Variants in DPH2 observed in about 807,000 individuals in gnomAD.
The protein encoded by DPH2 is 2-(3-amino-3-carboxypropyl)histidine synthase subunit 2.
In DPH2, 28 loss-of-function variants were observed where a neutral mutation model predicts 42.5. That is an observed-to-expected ratio of 0.66 (90% CI 0.49 to 0.90). The LOEUF (loss-of-function observed/expected upper bound fraction) is 0.90, where lower values mean the gene tolerates loss of function less well. Ranked by LOEUF, DPH2 falls within the 40% of genes least tolerant of loss-of-function variation. The pLI is 0.00. For synonymous variants in DPH2, 279 were observed against 264.4 expected (o/e 1.06, Z -0.53); for missense variants, 576 against 636.0 (o/e 0.91, Z 1.01).
Position 43,971,594 on chromosome 1 carries a change from A to G in DPH2, c.692A>G (p.Asp231Gly), listed in dbSNP as rs199599691. 444 of 1,613,796 alleles carry G rather than the reference A, an allele frequency of 2.8e-4. 1 individual carries two copies. Among genetic ancestry groups the G allele is most frequent in the Non-Finnish European group, 3.6e-4 (419 of 1,179,824 alleles). Reference protein sequence around the residue: ...GSKASPDPDLDPDLSRLLLGW... With the variant: ...GSKASPDPDLGPDLSRLLLGW... ...AAGGCCAGCCCTGACCCAGACCTTG[A>G]CCCAGACCTGAGTCGGCTGCTCTTG... The change falls in exon 4 of 6, where the codon GAC becomes GGC. Residue 231 changes from aspartate (D) to glycine (G), a missense_variant. Physicochemically the swap from Asp to Gly is moderately conservative, Grantham distance 94 (BLOSUM62 -1). This residue lies in a region of DPH2 where 395 missense variants were observed against 435.2 expected (regional missense o/e 0.91). Coordinates refer to ENST00000255108, the MANE Select transcript of DPH2 (RefSeq NM_001384.5).
chr1:43,971,130 A>C lies in DPH2; in HGVS notation c.425A>C (p.Asn142Thr), dbSNP rs1571783037. The change falls in exon 3 of 6, where the codon AAC becomes ACC. Residue 142 changes from asparagine (N) to threonine (T), a missense_variant. By Grantham distance (65) the Asn-to-Thr change is moderately conservative (BLOSUM62 0). Transcript: ENST00000255108. ...ELCVKAFEAQ[N>T]PDPKAPVVLL... ...TGTGTCAAGGCCTTTGAGGCCCAGA[A>C]CCCAGACCCCAAAGCGCCTGTGGTG... is the stretch of plus-strand genomic sequence containing the variant. 1.3e-6 allele frequency: 2 copies of C among 1,557,412 alleles called. No homozygotes were observed.
Position 43,970,641 on chromosome 1 carries a change from G to A in DPH2, c.193G>A (p.Val65Met), listed in dbSNP as rs1422811864. 8 of 1,614,100 alleles carry A rather than the reference G, an allele frequency of 5.0e-6. No homozygotes were observed. Among genetic ancestry groups the A allele is most frequent in the African/African-American group, 2.7e-5 (2 of 74,920 alleles). ...PDQLLGDAVAVAARLEETTGS... is the reference protein window; with the variant it reads ...PDQLLGDAVAMAARLEETTGS... ...CCAGCTATTGGGAGATGCTGTGGCT[G>A]TGGCTGCACGACTGGAGGAGACGAC... Residue 65 changes from valine to methionine, a missense_variant, in exon 2 of 6, where the codon GTG becomes ATG. Val to Met is a conservative substitution (Grantham distance 21, BLOSUM62 1). Coordinates refer to ENST00000255108, the MANE Select transcript of DPH2 (RefSeq NM_001384.5).
rs72890643 is a variant in DPH2 at position 43,970,065 on chromosome 1, C to T, written c.-111C>T. The T allele has an allele frequency of 7.0e-3, 9,037 of 1,299,750 alleles. 529 individuals carry two copies. In the African/African-American group the frequency reaches 0.12, roughly 17 times the overall value. The allele number at this position is 1,299,750 out of a possible 1,614,324, so 80.5% of individuals were successfully genotyped here. A position where few individuals can be genotyped will look rare whatever the true frequency, so the allele number is the denominator to read the frequency against. On this transcript the variant is annotated 5_prime_UTR_variant, in exon 1 of 6. Coordinates refer to ENST00000255108, the MANE Select transcript of DPH2 (RefSeq NM_001384.5). ...CCGGCTGAAGGCCGACTGTGATTCCCCCTACCCCCACAAGGCGATTTTGAC... is the reference window on the plus strand; with the variant it reads ...CCGGCTGAAGGCCGACTGTGATTCCTCCTACCCCCACAAGGCGATTTTGAC...
rs1453715514 is a variant in DPH2 at position 43,970,092 on chromosome 1, C to A, written c.-84C>A. 7 of 1,513,042 alleles carry A rather than the reference C, an allele frequency of 4.6e-6. No individual in the cohort carries two copies. Among genetic ancestry groups the A allele is most frequent in the Non-Finnish European group, 6.2e-6 (7 of 1,125,520 alleles). The allele number at this position is 1,513,042 out of a possible 1,614,324, so 93.7% of individuals were successfully genotyped here. On this transcript the variant is annotated 5_prime_UTR_variant, in exon 1 of 6. Coordinates refer to ENST00000255108, the MANE Select transcript of DPH2 (RefSeq NM_001384.5). Reference sequence around the variant, plus strand: ...CTACCCCCACAAGGCGATTTTGACCCCCTGAGGGCTGCTCTAGAGGACTCA... The same window carrying A: ...CTACCCCCACAAGGCGATTTTGACCACCTGAGGGCTGCTCTAGAGGACTCA...
At position 43,971,656 on chromosome 1, in the gene DPH2, C is replaced by A; in HGVS notation, c.754C>A (p.Pro252Thr). ...APGQPFSSCC[P>T]DTGKTQDEGA... Reference sequence around the variant, plus strand: ...AGGTCAACCCTTCTCCTCCTGCTGTCCAGATACAGGGAAGACTCAGGATGA... The same window carrying A: ...AGGTCAACCCTTCTCCTCCTGCTGTACAGATACAGGGAAGACTCAGGATGA... The change falls in exon 4 of 6, where the codon CCA becomes ACA. Residue 252 changes from proline to threonine, a missense_variant. Physicochemically the swap from Pro to Thr is conservative, Grantham distance 38 (BLOSUM62 -1). Around this residue, in one of 3 missense-constraint regions of DPH2, gnomAD observed 395 missense variants for 435.2 expected, o/e 0.91. Transcript: ENST00000255108. 1 of 1,614,174 alleles carries A rather than the reference C, an allele frequency of 6.2e-7. No individual in the cohort carries two copies. The highest frequency in any genetic ancestry group is 1.3e-5 in the African/African-American group (1 of 75,072).
At position 43,971,388 on chromosome 1, in the gene DPH2, G is replaced by A; in HGVS notation, c.486G>A (p.Glu162=). The A allele has an allele frequency of 6.3e-7, 1 of 1,575,804 alleles. No homozygotes were observed. Among genetic ancestry groups the A allele is most frequent in the South Asian group, 1.1e-5 (1 of 87,378 alleles). ...CAACACTACCTCCTTCTCTTCCAGA[G>A]GCTTTGGCTACTCTCCTGCGCCCAC... ...LSEPACAHAL[E]ALATLLRPRY... Residue 162 remains glutamate (E), a splice_region_variant and synonymous_variant, in exon 4 of 6, where the codon GAG becomes GAA. Transcript: ENST00000255108.
Position 43,970,275 on chromosome 1 carries a change from G to A in DPH2, c.100G>A (p.Glu34Lys). ...TPLPDLDGVY[E>K]LERVAGFVRD... ...TCTTCCGGACCTGGACGGAGTGTAC[G>A]AGCTGGAGCGAGTCGCTGGATTTGT... Residue 34 changes from glutamate (E) to lysine (K), a missense_variant, in exon 1 of 6, where the codon GAG becomes AAG. Physicochemically the swap from Glu to Lys is moderately conservative, Grantham distance 56. Around this residue, in one of 3 missense-constraint regions of DPH2, gnomAD observed 395 missense variants for 435.2 expected, o/e 0.91. Coordinates refer to ENST00000255108, the MANE Select transcript of DPH2 (RefSeq NM_001384.5). The A allele has an allele frequency of 6.2e-7, 1 of 1,614,242 alleles. No individual in the cohort carries two copies. The highest frequency in any genetic ancestry group is 8.5e-7 in the Non-Finnish European group (1 of 1,180,046).
In DPH2 at chr1:43,971,123, G is replaced by T. The variant is rs1174216958; in HGVS notation, c.418G>T (p.Ala140Ser). ...ALELCVKAFE[A>S]QNPDPKAPVV... ...GGAGCTCTGTGTCAAGGCCTTTGAG[G>T]CCCAGAACCCAGACCCCAAAGCGCC... Residue 140 changes from alanine to serine, a missense_variant, in exon 3 of 6, where the codon GCC (alanine) becomes TCC (serine). Ala to Ser is a moderately conservative substitution (Grantham distance 99). Around this residue, in one of 3 missense-constraint regions of DPH2, gnomAD observed 395 missense variants for 435.2 expected, o/e 0.91. Transcript: ENST00000255108. 1.9e-6 allele frequency: 3 copies of T among 1,558,412 alleles called. No homozygotes were observed. In the East Asian group the frequency reaches 7.2e-5, roughly 37 times the overall value.
chr1:43,970,851 A>G (rs1231163171), intron 2 of DPH2, 115 bp from the exon 3 acceptor site: 5 of 1,333,102 alleles, frequency 3.8e-6, no homozygotes, highest in Non-Finnish European at 5.3e-6. Context: ...AGCTCCTTTC[A>G]TTGACAATGT....
In DPH2 at chr1:43,972,512, C is replaced by A; in HGVS notation, c.1443C>A (p.Ile481=). 1 of 1,614,236 alleles carries A rather than the reference C, an allele frequency of 6.2e-7. No individual in the cohort carries two copies. Among genetic ancestry groups the A allele is most frequent in the Non-Finnish European group, 8.5e-7 (1 of 1,180,046 alleles). ...EAVSGRRGIA[I]AYEDEGSG is the part of the protein sequence containing the mutation. ...TGAGTGGAAGACGAGGGATTGCCAT[C>A]GCCTATGAGGATGAGGGAAGCGGCT... is the stretch of plus-strand genomic sequence containing the variant. The change falls in exon 6 of 6, where the codon ATC becomes ATA. Residue 481 remains isoleucine, a synonymous_variant. Coordinates refer to ENST00000255108, the MANE Select transcript of DPH2 (RefSeq NM_001384.5).
At position 43,971,512 on chromosome 1, in the gene DPH2, C is replaced by A. The variant is rs2085423039; in HGVS notation, c.610C>A (p.Pro204Thr). ...MPLERFGRRF[P>T]LAPGRRLEEY... ...CCTAGAGCGTTTTGGGCGCCGCTTC[C>A]CCCTTGCCCCAGGGAGGCGTCTAGA... is the stretch of plus-strand genomic sequence containing the variant. The change falls in exon 4 of 6, where the codon CCC becomes ACC. Residue 204 changes from proline (P) to threonine (T), a missense_variant. Around this residue, in one of 3 missense-constraint regions of DPH2, gnomAD observed 395 missense variants for 435.2 expected, o/e 0.91. Transcript: ENST00000255108. 5 of 1,614,116 alleles carry A rather than the reference C, an allele frequency of 3.1e-6. No individual in the cohort carries two copies. The South Asian group carries it at 5.5e-5, about 18-fold the overall frequency.
chr1:43,972,688 G>A lies in DPH2; in HGVS notation c.*149G>A, dbSNP rs545074570. 1.6e-5 allele frequency: 18 copies of A among 1,141,006 alleles called. No homozygotes were observed. Among genetic ancestry groups the A allele is most frequent in the South Asian group, 7.6e-5 (5 of 65,782 alleles). The allele number at this position is 1,141,006 out of a possible 1,614,324, so 70.7% of individuals were successfully genotyped here. On this transcript the variant is annotated 3_prime_UTR_variant, in exon 6 of 6. Coordinates refer to ENST00000255108, the MANE Select transcript of DPH2 (RefSeq NM_001384.5). ...GGCAGCCCTTCACAGGATAGGATCC[G>A]TCTCTGTCCTGTCCTGGCACTGGCA...
chr1:43,971,700 G>A lies in DPH2; in HGVS notation c.798G>A (p.Arg266=). The A allele has an allele frequency of 1.9e-6, 3 of 1,613,528 alleles. No individual in the cohort carries two copies. The highest frequency in any genetic ancestry group is 2.2e-5 in the South Asian group (2 of 91,086). The change falls in exon 4 of 6, where the codon CGG becomes CGA. Residue 266 remains arginine (R), a synonymous_variant. Coordinates refer to ENST00000255108, the MANE Select transcript of DPH2 (RefSeq NM_001384.5). ...KTQDEGARAG[R]LRARRRYLVE... ...AGGATGAGGGTGCCCGGGCTGGACG[G>A]CTAAGGGCACGAAGACGATATCTGG...
In DPH2 at chr1:43,970,351, C is replaced by T. The variant is rs376616679; in HGVS notation, c.147+29C>T. 4.7e-5 allele frequency: 76 copies of T among 1,607,298 alleles called. No individual in the cohort carries two copies. The African/African-American group carries it at 8.9e-4, about 19-fold the overall frequency. On this transcript the variant is annotated intron_variant, in intron 1 of 5. Transcript: ENST00000255108. ...AGGACAGACTTAGGGAAGGGTGGCT[C>T]GCCTCTGTCGGGATGGGTCGCCCAG...
At position 43,972,195 on chromosome 1, in the gene DPH2, A is replaced by G. The variant is rs758276322; in HGVS notation, c.1206A>G (p.Ser402=). 3 of 1,614,082 alleles carry G rather than the reference A, an allele frequency of 1.9e-6. No individual in the cohort carries two copies. The African/African-American group carries it at 4.0e-5, about 22-fold the overall frequency. Reference sequence around the variant, plus strand: ...ACGTGGCTCTCCCACCACCTGAGTCAGAGCTGTGGGAAACCCCAGACGTGT... The same window carrying G: ...ACGTGGCTCTCCCACCACCTGAGTCGGAGCTGTGGGAAACCCCAGACGTGT... ...PFHVALPPPE[S]ELWETPDVSL... The change falls in exon 5 of 6, where the codon TCA becomes TCG. Residue 402 remains serine (S), a synonymous_variant. Transcript: ENST00000255108.
chr1:43,972,480 G>A lies in DPH2; in HGVS notation c.1411G>A (p.Glu471Lys). 1 of 1,614,276 alleles carries A rather than the reference G, an allele frequency of 6.2e-7. No homozygotes were observed. The change falls in exon 6 of 6, where the codon GAA (glutamate) becomes AAA (lysine). Residue 471 changes from glutamate (E) to lysine (K), a missense_variant. This residue lies in a region of DPH2 where 178 missense variants were observed against 184.4 expected (regional missense o/e 0.97). Transcript: ENST00000255108. ...EPRLGQTPVT[E>K]AVSGRRGIAI... ...CCGCCTGGGTCAGACGCCAGTGACA[G>A]AAGCTGTGAGTGGAAGACGAGGGAT...
rs763659580 is a variant in DPH2 at position 43,972,454 on chromosome 1, C to T, written c.1385C>T (p.Pro462Leu). The change falls in exon 6 of 6, where the codon CCC becomes CTC. Residue 462 changes from proline to leucine, a missense_variant. By Grantham distance (98) the Pro-to-Leu change is moderately conservative (BLOSUM62 -3). Around this residue, in one of 3 missense-constraint regions of DPH2, gnomAD observed 178 missense variants for 184.4 expected, o/e 0.97. Transcript: ENST00000255108. ...TCCCGGAGCTGGCAAGGGCTGGAGC[C>T]CCGCCTGGGTCAGACGCCAGTGACA... is the stretch of plus-strand genomic sequence containing the variant. Reference protein sequence around the residue: ...LSSRSWQGLEPRLGQTPVTEA... With the variant: ...LSSRSWQGLELRLGQTPVTEA... The T allele has an allele frequency of 5.5e-5, 89 of 1,614,142 alleles. No individual in the cohort carries two copies. The highest frequency in any genetic ancestry group is 6.8e-5 in the Non-Finnish European group (80 of 1,180,058).
rs1465672578 is a variant in DPH2, at chr1:43,971,068, C to T, written c.363C>T (p.Ala121=). 1 of 1,569,270 alleles carries T rather than the reference C, an allele frequency of 6.4e-7. No individual in the cohort carries two copies. Among genetic ancestry groups the T allele is most frequent in the Admixed American group, 1.9e-5 (1 of 52,758 alleles). The stretch of plus-strand genomic sequence containing the variant: ...CTCCAGCCCGCCCACTGCCCGTTGC[C>T]TTCGTGCTTCGTCAACGTTCTGTGG... ...LSPPARPLPV[A]FVLRQRSVAL... is the part of the protein sequence containing the mutation. The change falls in exon 3 of 6, where the codon GCC becomes GCT. Residue 121 remains alanine (A), a synonymous_variant. Coordinates refer to ENST00000255108, the MANE Select transcript of DPH2 (RefSeq NM_001384.5).
Position 43,971,444 on chromosome 1 carries a change from CT to C in DPH2, c.546del (p.Gln184AsnfsTer6). On this transcript the variant is annotated frameshift_variant, in exon 4 of 6. Coordinates refer to ENST00000255108, the MANE Select transcript of DPH2 (RefSeq NM_001384.5). LOFTEE classifies it high-confidence loss of function. ...CTGGACCTGCTAGTCTCCAGCCCAG[CT>C]TTTCCCCAACCAGTGGGTTCCCTGA... ...RYLDLLVSSP[A>X]FPQPVGSLSP... 1 of 1,612,102 alleles carries C rather than the reference CT, an allele frequency of 6.2e-7. No individual in the cohort carries two copies. The highest frequency in any genetic ancestry group is 8.5e-7 in the Non-Finnish European group (1 of 1,178,630).
Sources: gnomAD v4.1 joint callset for allele counts on GRCh38, gnomAD v4.1.1 for gene constraint, gnomAD v4.1.1 regional missense constraint, MANE v1.5 for transcripts, NCBI Gene and HGNC (gene_info 2026-07-23, HGNC 2026-07-21) for gene names.